COL24A1: variants seen among roughly 807,000 people sequenced by gnomAD.
COL24A1 encodes the protein collagen alpha-1(XXIV) chain.
Under a neutral mutation model 253.9 loss-of-function variants are expected in COL24A1, and 224 were observed. The observed-to-expected ratio is 0.88, with a 90% CI of 0.79 to 0.99. The LOEUF (loss-of-function observed/expected upper bound fraction) is 0.99. Ranked by LOEUF, COL24A1 falls within the 50% of genes least tolerant of loss-of-function variation. COL24A1 has a pLI of 0.00. For missense variants in COL24A1, 2,131 were observed against 2,068.5 expected, an observed-to-expected ratio of 1.03 and a Z score of -0.59; for synonymous variants, 685 against 673.7, an observed-to-expected ratio of 1.02 and a Z score of -0.26.
intron 3 of COL24A1, among the ~76,000 whole-genome samples, chr1:86,121,555 G>A (rs1026197864): frequency 7.2e-5 from 11 of 151,754 alleles, no homozygotes; most frequent in South Asian, 2.1e-4. Flanking sequence ...AAATATGAAA[G>A]AGCAAAAAAG....
At chr1:85,966,127 C>A (rs1455819807) in intron 22 of COL24A1, among the ~76,000 whole-genome samples, 2 of 151,964 alleles carry the variant, frequency 1.3e-5, no homozygotes, top group Non-Finnish European at 2.9e-5. Flanking sequence ...TGGTAAGATT[C>A]TGGATATAAT....
At chr1:85,902,580 T>C (rs1454566512) in intron 28 of COL24A1, among the ~76,000 whole-genome samples, 2 of 152,178 alleles carry the variant, frequency 1.3e-5, no homozygotes, top group African/African-American at 4.8e-5. Flanking sequence ...GTAACTTGTC[T>C]CTTGTTAATC....
At chr1:85,895,710 T>G (rs947478060) in intron 31 of COL24A1, 148 bp downstream of exon 31, 29 of 678,358 alleles carry the variant, frequency 4.3e-5, no homozygotes, top group Admixed American at 2.9e-4. Context: ...GCTCATAATT[T>G]ATACATATAT....
chr1:86,156,058 G>C, intron 1 of COL24A1: 1 of 325,330 alleles, frequency 3.1e-6, no homozygotes, highest in South Asian at 9.5e-5. Context: ...TTAGGGAGCC[G>C]CTGCCCTGGA....
In COL24A1 at chr1:85,996,082, A is replaced by G. The variant is rs145628346; in HGVS notation, c.2311-8428T>C. On this transcript the variant is annotated intron_variant, in intron 19 of 59. Transcript: ENST00000370571. ...GTCAAAAGTTATCAAATTTTACCACATATAACTTTGTTATATGTTAACTAT... is the reference window on the plus strand; with the variant it reads ...GTCAAAAGTTATCAAATTTTACCACGTATAACTTTGTTATATGTTAACTAT... Among the ~76,000 whole-genome samples the G allele has an allele frequency of 5.0e-3, 762 of 152,348 alleles. 7 individuals are homozygous for G. The highest frequency in any genetic ancestry group is 0.018 in the African/African-American group (729 of 41,578).
At chr1:86,089,027 G>C in intron 7 of COL24A1, 147 bp downstream of exon 7, 1 of 546,962 alleles carries the variant, frequency 1.8e-6, no homozygotes, top group Non-Finnish European at 3.0e-6. Flanking sequence ...TAGTTTTAGG[G>C]TCAACTTCAA....
chr1:86,084,010 GT>G (rs1366774026), intron 7 of COL24A1, among the ~76,000 whole-genome samples: 2 of 151,946 alleles, frequency 1.3e-5, no homozygotes, highest in African/African-American at 4.8e-5. Context: ...TACAAATTAG[GT>G]AACTACAACT....
intron 47 of COL24A1, among the ~76,000 whole-genome samples, chr1:85,798,734 C>T (rs1365874538): frequency 6.6e-6 from 1 of 152,106 alleles, no homozygotes; most frequent in African/African-American, 2.4e-5. Flanking sequence ...TCCTTTAAGA[C>T]AAGAAACTCA....
chr1:85,985,993 T>C (rs1693690877), intron 20 of COL24A1, among the ~76,000 whole-genome samples: 1 of 151,882 alleles, frequency 6.6e-6, no homozygotes, highest in Admixed American at 6.6e-5. Flanking sequence ...AGTTTCTTTT[T>C]CCTGAATACC....
At chr1:85,774,081 G>A (rs1373869939) in intron 53 of COL24A1, among the ~76,000 whole-genome samples, 1 of 152,108 alleles carries the variant, frequency 6.6e-6, no homozygotes, top group Non-Finnish European at 1.5e-5. Context: ...TGGCATGAAA[G>A]GCTGTTGAAT....
At chr1:85,744,446 T>C (rs1442889964) in intron 57 of COL24A1, among the ~76,000 whole-genome samples, 1 of 151,958 alleles carries the variant, frequency 6.6e-6, no homozygotes, top group Non-Finnish European at 1.5e-5. Context: ...ATATGCTGTA[T>C]ACCAAGTACA....
chr1:85,865,150 C>T (rs569975914), intron 37 of COL24A1, among the ~76,000 whole-genome samples: 1 of 128,448 alleles, frequency 7.8e-6, no homozygotes, highest in African/African-American at 2.8e-5. Flanking sequence ...GAGATCTTTT[C>T]TTTTCTTGAA....
At chr1:86,071,560 C>A (rs1473586153) in intron 7 of COL24A1, among the ~76,000 whole-genome samples, 7 of 152,006 alleles carry the variant, frequency 4.6e-5, no homozygotes, top group Admixed American at 4.6e-4. Flanking sequence ...AAAAGATATT[C>A]CATGCCAATG....
chr1:85,918,835 G>GA (rs949137721), intron 24 of COL24A1, among the ~76,000 whole-genome samples: 12 of 152,090 alleles, frequency 7.9e-5, no homozygotes, highest in African/African-American at 2.9e-4. Flanking sequence ...AATGTGAAAA[G>GA]AAAAAATGGT....
intron 33 of COL24A1, 141 bp from the exon 34 acceptor site, chr1:85,875,471 C>G (rs1454705640): frequency 3.3e-6 from 2 of 604,016 alleles, no homozygotes; most frequent in Non-Finnish European, 5.9e-6. Context: ...AGCATAAGAG[C>G]AGATTCTTTC....
intron 14 of COL24A1, among the ~76,000 whole-genome samples, chr1:86,028,482 CCT>C (rs145397439): frequency 0.087 from 13,201 of 152,232 alleles, 701 homozygotes; most frequent in Middle Eastern, 0.19. Context: ...TGGCATTTCC[CCT>C]GTTTGCATTC....
At chr1:85,846,698 T>C (rs1453097822) in intron 39 of COL24A1, among the ~76,000 whole-genome samples, 1 of 151,984 alleles carries the variant, frequency 6.6e-6, no homozygotes, top group Admixed American at 6.6e-5. Context: ...GAAATGTTGA[T>C]GGTGGGAGTG....
At chr1:85,895,644 C>T (rs1683598163) in intron 31 of COL24A1, among the ~76,000 whole-genome samples, 1 of 152,036 alleles carries the variant, frequency 6.6e-6, no homozygotes, top group African/African-American at 2.4e-5. Context: ...TTTAGTCCAA[C>T]ATATTGAATA....
At chr1:86,155,204 C>G (rs1480056988) in intron 1 of COL24A1, 1 of 152,090 alleles carries the variant, frequency 6.6e-6, no homozygotes, top group Non-Finnish European at 1.5e-5. Context: ...CTGGGAAGCC[C>G]AGCAGCGAGG....
Sources: allele counts gnomAD v4.1 joint callset (sites outside exome capture counted in the v4.1 genomes callset), GRCh38; gene constraint gnomAD v4.1.1; transcripts MANE v1.5; gene names NCBI Gene and HGNC (gene_info 2026-07-23, HGNC 2026-07-21).